PPARGC1A: variants seen among roughly 807,000 people sequenced by gnomAD.
PPARGC1A encodes the protein PPARG coactivator 1 alpha.
A neutral mutation model predicts 88.7 loss-of-function variants in PPARGC1A; 25 were observed. That is an observed-to-expected ratio of 0.28 (90% CI 0.21 to 0.39). The LOEUF is 0.39. PPARGC1A is among the 10% of genes least tolerant of loss of function. The pLI is 1.00. For missense variants in PPARGC1A, 880 were observed against 968.7 expected (o/e 0.91, Z 1.22); for synonymous variants, 363 against 355.6 (o/e 1.02, Z -0.24).
chr4:24,055,362 T>C, the PPARGC1A span, among the ~76,000 whole-genome samples: 1 of 152,258 alleles, frequency 6.6e-6, no homozygotes, highest in South Asian at 2.1e-4. Flanking sequence ...AAACATGAAA[T>C]GAACATGCAG....
At chr4:24,260,592 C>G in the PPARGC1A span, among the ~76,000 whole-genome samples, 1 of 152,178 alleles carries the variant, frequency 6.6e-6, no homozygotes, top group East Asian at 1.9e-4. Flanking sequence ...ATAGTGAGTC[C>G]CTGACATAAG....
chr4:23,813,164 TGCCACTTAACCCAAGTTTATC>T lies in PPARGC1A; in HGVS notation c.1794-60_1794-40del, dbSNP rs778948187. On this transcript the variant is annotated intron_variant, in intron 8 of 12. Coordinates refer to ENST00000264867, the MANE Select transcript of PPARGC1A (RefSeq NM_013261.5). ...GAAAAGCAAAAAGGGCATTTGCAAC[TGCCACTTAACCCAAGTTTATC>T]GGCACTGTGGAGCATCCTCTGGGAC... 1.8e-5 allele frequency: 28 copies of T among 1,574,192 alleles called. No individual in the cohort carries two copies. In the South Asian group the frequency reaches 2.7e-4, roughly 15 times the overall value.
the PPARGC1A span, among the ~76,000 whole-genome samples, chr4:24,416,838 C>T: frequency 1.3e-5 from 2 of 152,142 alleles, no homozygotes; most frequent in Non-Finnish European, 2.9e-5. Context: ...TGAGACCAGC[C>T]TGGCCAACAT....
At chr4:24,210,997 T>A in the PPARGC1A span, among the ~76,000 whole-genome samples, 239 of 152,310 alleles carry the variant, frequency 1.6e-3, 1 homozygote, top group African/African-American at 5.5e-3. Flanking sequence ...TCAGATTTTT[T>A]AAAACTGTAA....
the PPARGC1A span, among the ~76,000 whole-genome samples, chr4:24,305,790 C>A: frequency 1.3e-5 from 2 of 152,090 alleles, no homozygotes; most frequent in African/African-American, 4.8e-5. Flanking sequence ...CCAGCCTGGG[C>A]AACAAGAGCG....
At chr4:24,015,456 A>G in the PPARGC1A span, among the ~76,000 whole-genome samples, 1 of 152,132 alleles carries the variant, frequency 6.6e-6, no homozygotes. Context: ...CATTTTCACA[A>G]GTCCTCTTTT....
chr4:23,927,562 T>C, the PPARGC1A span, among the ~76,000 whole-genome samples: 2 of 152,314 alleles, frequency 1.3e-5, no homozygotes, highest in East Asian at 1.9e-4. Flanking sequence ...CTAATAAGAA[T>C]AATAATAAGT....
chr4:24,111,594 C>T, the PPARGC1A span, among the ~76,000 whole-genome samples: 1 of 152,244 alleles, frequency 6.6e-6, no homozygotes, highest in African/African-American at 2.4e-5. Flanking sequence ...TTTTTAGCTC[C>T]GTGGTGTCAA....
At chr4:24,238,743 ATATGTG>A in the PPARGC1A span, among the ~76,000 whole-genome samples, 4,238 of 118,558 alleles carry the variant, frequency 0.036, 136 homozygotes, top group East Asian at 0.088. Context: ...CCAAGGTTGT[ATATGTG>A]TGTGTGTGTG....
At chr4:23,990,015 T>C in the PPARGC1A span, among the ~76,000 whole-genome samples, 2 of 141,864 alleles carry the variant, frequency 1.4e-5, no homozygotes, top group Admixed American at 1.4e-4. Flanking sequence ...ATGTATCTTA[T>C]ATATAGATAT....
the PPARGC1A span, among the ~76,000 whole-genome samples, chr4:24,117,389 C>T: frequency 5.9e-5 from 9 of 152,108 alleles, no homozygotes; most frequent in Non-Finnish European, 1.3e-4. Flanking sequence ...ACTAAGGTTG[C>T]TGGATGATGC....
At chr4:23,961,699 A>C in the PPARGC1A span, among the ~76,000 whole-genome samples, 1 of 152,090 alleles carries the variant, frequency 6.6e-6, no homozygotes, top group Non-Finnish European at 1.5e-5. Context: ...CGCCTCCCAC[A>C]AGCCCCCTGT....
chr4:24,387,938 A>AAGAAAGAAAGAAAG, the PPARGC1A span, among the ~76,000 whole-genome samples: 1 of 114,954 alleles, frequency 8.7e-6, no homozygotes. Flanking sequence ...AAGAAAGAGA[A>AAGAAAGAAAGAAAG]AGAAAGAAAG....
intron 7 of PPARGC1A, among the ~76,000 whole-genome samples, chr4:23,815,408 T>C (rs1406233875): frequency 3.3e-5 from 5 of 152,132 alleles, no homozygotes; most frequent in African/African-American, 9.7e-5. Context: ...AATATCACAG[T>C]GCCAGCCGAC....
intron 10 of PPARGC1A, among the ~76,000 whole-genome samples, chr4:23,810,643 A>T (rs1224810019): frequency 6.6e-6 from 1 of 152,210 alleles, no homozygotes; most frequent in Non-Finnish European, 1.5e-5. Context: ...TAAAATATTA[A>T]TCTGGCTTTA....
At chr4:24,430,277 G>A in the PPARGC1A span, among the ~76,000 whole-genome samples, 1 of 45,402 alleles carries the variant, frequency 2.2e-5, no homozygotes, top group African/African-American at 8.2e-5. Context: ...TTTTTTTTTT[G>A]AGATTGAGTC....
chr4:24,375,727 A>T, the PPARGC1A span, among the ~76,000 whole-genome samples: 1 of 152,184 alleles, frequency 6.6e-6, no homozygotes, highest in Non-Finnish European at 1.5e-5. Context: ...GGGGGTCGCG[A>T]TAGACAAAAA....
At chr4:23,839,197 T>C (rs896926394) in intron 2 of PPARGC1A, among the ~76,000 whole-genome samples, 1 of 152,146 alleles carries the variant, frequency 6.6e-6, no homozygotes, top group Non-Finnish European at 1.5e-5. Context: ...AGTTAATAAA[T>C]ATGTACTGTA....
In PPARGC1A at chr4:23,884,852, T is replaced by G; in HGVS notation, c.134A>C (p.Asp45Ala). ...ELDLSELDVNDLDTDSFLGGL... is the reference protein window; with the variant it reads ...ELDLSELDVNALDTDSFLGGL... Reference sequence around the variant, plus strand: ...ACCCAGAAAGCTGTCTGTATCCAAGTCGTTCACATCTAGTTCAGAAAGATC... The same window carrying G: ...ACCCAGAAAGCTGTCTGTATCCAAGGCGTTCACATCTAGTTCAGAAAGATC... Residue 45 changes from aspartate (D) to alanine (A), a missense_variant, in exon 2 of 13, where the codon GAC becomes GCC. Physicochemically the swap from Asp to Ala is moderately radical, Grantham distance 126. Transcript: ENST00000264867. The G allele has an allele frequency of 2.5e-6, 4 of 1,613,876 alleles. No homozygotes were observed. Among genetic ancestry groups the G allele is most frequent in the Non-Finnish European group, 3.4e-6 (4 of 1,179,872 alleles).
Sources: allele counts gnomAD v4.1 joint callset (sites outside exome capture counted in the v4.1 genomes callset), GRCh38; gene constraint gnomAD v4.1.1; transcripts MANE v1.5; gene names NCBI Gene and HGNC (gene_info 2026-07-23, HGNC 2026-07-21).